The following IGF2BP2 variants were observed in gnomAD, a reference collection of about 807,000 sequenced individuals.
The protein encoded by IGF2BP2 is insulin-like growth factor 2 mRNA-binding protein 2.
IGF2BP2 carries 17 observed loss-of-function variants against 75.8 expected under a neutral mutation model. The ratio of observed to expected loss-of-function variants is 0.22; its 90% CI spans 0.15 to 0.34. The LOEUF (loss-of-function observed/expected upper bound fraction) is 0.34, where lower values mean the gene tolerates loss of function less well. Ranked by LOEUF, IGF2BP2 falls within the 10% of genes least tolerant of loss-of-function variation. IGF2BP2 has a pLI of 1.00. For synonymous variants in IGF2BP2, 288 were observed against 295.6 expected (o/e 0.97, Z 0.26); for missense variants, 516 against 772.4 (o/e 0.67, Z 3.93).
chr3:185,757,969 T>G (rs2149678080), intron 2 of IGF2BP2, among the ~76,000 whole-genome samples: 1 of 152,334 alleles, frequency 6.6e-6, no homozygotes, highest in Non-Finnish European at 1.5e-5. Context: ...GAGACTAACC[T>G]TTATTAACAC....
intron 7 of IGF2BP2, among the ~76,000 whole-genome samples, chr3:185,677,044 G>GATATATATTTATAT (rs1199843330): frequency 4.2e-4 from 10 of 23,866 alleles, no homozygotes; most frequent in African/African-American, 8.7e-4. Context: ...TATATATGGA[G>GATATATATTTATAT]ATATATATAT....
At chr3:185,655,205 C>G (rs565237497) in intron 12 of IGF2BP2, among the ~76,000 whole-genome samples, 48 of 152,328 alleles carry the variant, frequency 3.2e-4, no homozygotes, top group African/African-American at 7.7e-4. Flanking sequence ...GATCTCGGCT[C>G]ACTGCAACCT....
At chr3:185,742,720 A>C (rs556844932) in intron 2 of IGF2BP2, among the ~76,000 whole-genome samples, 8 of 152,312 alleles carry the variant, frequency 5.3e-5, no homozygotes, top group African/African-American at 1.9e-4. Flanking sequence ...CATTTCCACA[A>C]TTTTGGTTAG....
rs535507232 is a variant in IGF2BP2 at position 185,777,304 on chromosome 3, T to C, written c.239+45849A>G. Among the ~76,000 whole-genome samples the C allele has an allele frequency of 1.1e-4, 16 of 152,114 alleles. No homozygotes were observed. In the South Asian group the frequency reaches 2.9e-3, roughly 28 times the overall value. ...GGGCAACATGGCAAAACCTTGTCTC[T>C]AAAAAAATAAAAGATTAGCCAAAAC... On this transcript the variant is annotated intron_variant, in intron 2 of 15. Transcript: ENST00000382199.
At chr3:185,719,312 T>C (rs1239180885) in intron 2 of IGF2BP2, among the ~76,000 whole-genome samples, 1 of 152,160 alleles carries the variant, frequency 6.6e-6, no homozygotes, top group African/African-American at 2.4e-5. Context: ...CTGCATATCT[T>C]TGATGAACAG....
At chr3:185,775,856 C>T (rs559391233) in intron 2 of IGF2BP2, among the ~76,000 whole-genome samples, 1 of 152,346 alleles carries the variant, frequency 6.6e-6, no homozygotes, top group East Asian at 1.9e-4. Context: ...AATTCCACTT[C>T]TCAATCCCTA....
intron 10 of IGF2BP2, among the ~76,000 whole-genome samples, chr3:185,659,726 A>G (rs959000780): frequency 5.9e-5 from 9 of 151,882 alleles, no homozygotes; most frequent in Admixed American, 2.0e-4. Flanking sequence ...ACTAACATAG[A>G]TATTTTGTGT....
chr3:185,667,429 T>C (rs927584574), intron 10 of IGF2BP2, among the ~76,000 whole-genome samples: 1 of 152,028 alleles, frequency 6.6e-6, no homozygotes, highest in African/African-American at 2.4e-5. Flanking sequence ...TGTGCTATAA[T>C]TGTGCCTGTG....
intron 2 of IGF2BP2, among the ~76,000 whole-genome samples, chr3:185,748,820 C>T (rs1361259625): frequency 6.6e-6 from 1 of 152,208 alleles, no homozygotes; most frequent in East Asian, 1.9e-4. Flanking sequence ...CCCTTATCAG[C>T]CATTAAAATT....
At position 185,721,726 on chromosome 3, in the gene IGF2BP2, A is replaced by T. The variant is rs192853264; in HGVS notation, c.240-23379T>A. On this transcript the variant is annotated intron_variant, in intron 2 of 15. Coordinates refer to ENST00000382199, the MANE Select transcript of IGF2BP2 (RefSeq NM_006548.6). ...GTACCTGTCTTCCTCTTCTCTGTCT[A>T]CCACCTCCCTCACTCTCATCTGAAA... Among the ~76,000 whole-genome samples the T allele has an allele frequency of 1.6e-4, 24 of 152,068 alleles. No homozygotes were observed. In the East Asian group the frequency reaches 4.1e-3, roughly 26 times the overall value.
At chr3:185,649,918 A>G (rs1714284822) in intron 13 of IGF2BP2, among the ~76,000 whole-genome samples, 1 of 152,196 alleles carries the variant, frequency 6.6e-6, no homozygotes, top group African/African-American at 2.4e-5. Context: ...TTCTTATCCC[A>G]TCACCACAGG....
chr3:185,675,738 A>C, intron 8 of IGF2BP2, 53 bp downstream of exon 8: 7 of 1,593,810 alleles, frequency 4.4e-6, no homozygotes, highest in Non-Finnish European at 6.0e-6. Flanking sequence ...AGACGTATCG[A>C]AATGCTCAGG....
intron 2 of IGF2BP2, among the ~76,000 whole-genome samples, chr3:185,814,551 G>A (rs1010369246): frequency 3.3e-5 from 5 of 152,112 alleles, no homozygotes; most frequent in Non-Finnish European, 5.9e-5. Context: ...ATTTTTCAAA[G>A]AGAAAGAAAA....
chr3:185,714,289 G>C (rs1400702268), intron 2 of IGF2BP2, among the ~76,000 whole-genome samples: 1 of 151,970 alleles, frequency 6.6e-6, no homozygotes, highest in Non-Finnish European at 1.5e-5. Flanking sequence ...TAATTAAACT[G>C]GTCTTCTACT....
chr3:185,823,202 A>G lies in IGF2BP2; in HGVS notation c.190T>C (p.Leu64=). The G allele has an allele frequency of 6.2e-7, 1 of 1,610,182 alleles. No individual in the cohort carries two copies. The highest frequency in any genetic ancestry group is 8.5e-7 in the Non-Finnish European group (1 of 1,177,734). The change falls in exon 2 of 16, where the codon TTG becomes CTG. Residue 64 remains leucine, a synonymous_variant. Transcript: ENST00000382199. The stretch of plus-strand genomic sequence containing the variant: ...TCAACTTCCATGATTTTCCCATGCA[A>G]TTCCACTTTACCTTTAAAACAGAAA... ...AIETLSGKVE[L]HGKIMEVDYS...
intron 10 of IGF2BP2, among the ~76,000 whole-genome samples, chr3:185,666,927 T>G (rs1194287219): frequency 6.6e-6 from 1 of 152,168 alleles, no homozygotes; most frequent in Non-Finnish European, 1.5e-5. Flanking sequence ...AAGAGAAAAT[T>G]CCAATCTTTT....
In IGF2BP2 at chr3:185,813,918, C is replaced by T. The variant is rs144443234; in HGVS notation, c.239+9235G>A. ...GAAGGAGAATGAGAGAGGAAGTGGC[C>T]GGTGTGAGGCCTTAGAGAAAGAAAT... On this transcript the variant is annotated intron_variant, in intron 2 of 15. Transcript: ENST00000382199. 3.4e-3 allele frequency: 524 copies of T among 152,384 alleles called. 2 individuals carry two copies. Among genetic ancestry groups the T allele is most frequent in the Non-Finnish European group, 6.2e-3 (422 of 68,118 alleles). The allele number at this position is 152,384 out of a possible 1,614,324, so 9.4% of individuals were successfully genotyped here.
At chr3:185,812,352 A>G (rs145943267) in intron 2 of IGF2BP2, among the ~76,000 whole-genome samples, 3 of 152,350 alleles carry the variant, frequency 2.0e-5, no homozygotes, top group Admixed American at 2.0e-4. Context: ...CCAGAGCGCA[A>G]TCACTGGCCA....
intron 2 of IGF2BP2, among the ~76,000 whole-genome samples, chr3:185,822,344 A>C (rs1053968908): frequency 4.7e-4 from 71 of 152,202 alleles, no homozygotes; most frequent in Admixed American, 4.6e-3. Flanking sequence ...CACACAGCAG[A>C]AGAAAAAAAT....
Sources: gnomAD v4.1 joint callset for allele counts (sites outside exome capture counted in the v4.1 genomes callset) on GRCh38, gnomAD v4.1.1 for gene constraint, MANE v1.5 for transcripts, NCBI Gene and HGNC (gene_info 2026-07-23, HGNC 2026-07-21) for gene names.